Variants in SIAH3 observed in about 807,000 individuals in gnomAD.
SIAH3 encodes siah E3 ubiquitin protein ligase family member 3.
SIAH3 carries 9 observed loss-of-function variants against 12.6 expected under a neutral mutation model. The observed-to-expected ratio is 0.72, with a 90% CI of 0.43 to 1.25. The LOEUF is 1.25. Ranked by LOEUF, SIAH3 falls within the 50% of genes most tolerant of loss-of-function variation. SIAH3 has a pLI of 0.00. For synonymous variants in SIAH3, 154 were observed against 151.1 expected (o/e 1.02, Z -0.14); for missense variants, 390 against 365.4 (o/e 1.07, Z -0.55).
intron 1 of SIAH3, among the ~76,000 whole-genome samples, chr13:45,837,630 A>C (rs1227037927): frequency 1.3e-5 from 2 of 152,098 alleles, no homozygotes; most frequent in African/African-American, 2.4e-5. Context: ...GAAGGGAAGA[A>C]GGAATGCATG....
At chr13:45,802,694 C>T (rs1950586284) in intron 1 of SIAH3, among the ~76,000 whole-genome samples, 1 of 151,998 alleles carries the variant, frequency 6.6e-6, no homozygotes. Flanking sequence ...CCCCAGCTAG[C>T]TCCAGATCTA....
In SIAH3 at chr13:45,781,209, A is replaced by T. The variant is rs1409710729; in HGVS notation, c.*2174T>A. The T allele has an allele frequency of 6.6e-6, 1 of 152,658 alleles. No homozygotes were observed. The highest frequency in any genetic ancestry group is 1.9e-4 in the East Asian group (1 of 5,198). 9.5% of individuals were successfully genotyped at this position (152,658 alleles called of 1,614,324 possible). A position where few individuals can be genotyped will look rare whatever the true frequency, so the allele number is the denominator to read the frequency against. The stretch of plus-strand genomic sequence containing the variant: ...CAAAGGTGATGTCTGCAGGAGCCCT[A>T]AGGCCCTGTGAATGTTAGTTATATT... On this transcript the variant is annotated 3_prime_UTR_variant, in exon 2 of 2. Coordinates refer to ENST00000400405, the MANE Select transcript of SIAH3 (RefSeq NM_198849.3).
intron 1 of SIAH3, among the ~76,000 whole-genome samples, chr13:45,790,084 C>A (rs1455169400): frequency 6.6e-6 from 1 of 152,182 alleles, no homozygotes; most frequent in Admixed American, 6.5e-5. Context: ...TAAGTCAGGA[C>A]TTCTGGTGCT....
intron 1 of SIAH3, among the ~76,000 whole-genome samples, chr13:45,812,260 G>A (rs2137564785): frequency 6.6e-6 from 1 of 152,222 alleles, no homozygotes; most frequent in African/African-American, 2.4e-5. Flanking sequence ...ATACCATCTT[G>A]TTTCATCCTC....
intron 1 of SIAH3, among the ~76,000 whole-genome samples, chr13:45,834,790 C>T (rs539375863): frequency 6.6e-6 from 1 of 152,282 alleles, no homozygotes; most frequent in Admixed American, 6.5e-5. Flanking sequence ...AGTTCACAAT[C>T]CTGACTCTAC....
At chr13:45,786,902 C>T (rs1051794750) in intron 1 of SIAH3, among the ~76,000 whole-genome samples, 1 of 152,194 alleles carries the variant, frequency 6.6e-6, no homozygotes, top group Non-Finnish European at 1.5e-5. Flanking sequence ...GACCTCTGGG[C>T]TTTCCCCTAT....
intron 1 of SIAH3, among the ~76,000 whole-genome samples, chr13:45,825,432 A>T (rs1950670508): frequency 6.6e-6 from 1 of 152,070 alleles, no homozygotes; most frequent in Admixed American, 6.5e-5. Context: ...ACCTCACACC[A>T]CACTCTTCCC....
intron 1 of SIAH3, among the ~76,000 whole-genome samples, chr13:45,836,074 G>A (rs1220986058): frequency 6.6e-6 from 1 of 152,170 alleles, no homozygotes; most frequent in Non-Finnish European, 1.5e-5. Context: ...ATCTGATAGG[G>A]ACACGGATAT....
intron 1 of SIAH3, 109 bp downstream of exon 1, chr13:45,851,386 G>C: frequency 6.9e-7 from 1 of 1,455,964 alleles, no homozygotes; most frequent in Non-Finnish European, 9.4e-7. Flanking sequence ...CCCAGCCCCC[G>C]AGACCCGGGT....
chr13:45,787,836 C>T (rs896430570), intron 1 of SIAH3, among the ~76,000 whole-genome samples: 8 of 152,220 alleles, frequency 5.3e-5, no homozygotes, highest in South Asian at 2.1e-4. Flanking sequence ...ATGCCCCCTA[C>T]GCCCAGCAGC....
chr13:45,794,612 G>T, intron 1 of SIAH3, among the ~76,000 whole-genome samples: 1 of 152,120 alleles, frequency 6.6e-6, no homozygotes, highest in Admixed American at 6.5e-5. Flanking sequence ...AGAGCTGATG[G>T]TTTTATAAAG....
At chr13:45,849,944 A>C (rs191974513) in intron 1 of SIAH3, among the ~76,000 whole-genome samples, 30 of 152,382 alleles carry the variant, frequency 2.0e-4, no homozygotes, top group African/African-American at 7.0e-4. Context: ...AAAAGTGGCC[A>C]TAAAATGGAA....
intron 1 of SIAH3, among the ~76,000 whole-genome samples, chr13:45,798,592 T>G (rs1204737401): frequency 1.3e-5 from 2 of 152,204 alleles, no homozygotes; most frequent in African/African-American, 4.8e-5. Flanking sequence ...TGCAGCCAAC[T>G]GGTATTTAGT....
chr13:45,784,571 C>T (rs1435437852), intron 1 of SIAH3, among the ~76,000 whole-genome samples: 5 of 151,922 alleles, frequency 3.3e-5, no homozygotes, highest in Admixed American at 2.0e-4. Context: ...CTGTCTTGGG[C>T]GCCCTTCTCC....
rs1290328139 is a variant in SIAH3 at position 45,840,256 on chromosome 13, C to G, written c.135+11239G>C. Among the ~76,000 whole-genome samples, 3 of 150,106 alleles carry G rather than the reference C, an allele frequency of 2.0e-5. No individual in the cohort carries two copies. In the South Asian group the frequency reaches 6.3e-4, roughly 32 times the overall value. ...CTGGGTGACAGAGGGAAACTCTGGC[C>G]AAAAAAAAACCCACGAGAAACCACA... is the stretch of plus-strand genomic sequence containing the variant. On this transcript the variant is annotated intron_variant, in intron 1 of 1. Coordinates refer to ENST00000400405, the MANE Select transcript of SIAH3 (RefSeq NM_198849.3).
Position 45,783,305 on chromosome 13 carries a change from G to T in SIAH3, c.*78C>A. On this transcript the variant is annotated 3_prime_UTR_variant, in exon 2 of 2. Transcript: ENST00000400405. ...AAAAAGAAAGGAGAAGAATAAAAAG[G>T]AGTCTGGAGTCCTGGTATTGGGAGG... is the stretch of plus-strand genomic sequence containing the variant. 2 of 998,804 alleles carry T rather than the reference G, an allele frequency of 2.0e-6. No homozygotes were observed. Among genetic ancestry groups the T allele is most frequent in the Non-Finnish European group, 2.8e-6 (2 of 702,902 alleles). 61.9% of individuals were successfully genotyped at this position (998,804 alleles called of 1,614,324 possible). A position where few individuals can be genotyped will look rare whatever the true frequency, so the allele number is the denominator to read the frequency against.
chr13:45,782,103 A>C lies in SIAH3; in HGVS notation c.*1280T>G, dbSNP rs1950506679. On this transcript the variant is annotated 3_prime_UTR_variant, in exon 2 of 2. Transcript: ENST00000400405. Reference sequence around the variant, plus strand: ...ACAGAAAAGACAAAGTTGACTAAACATGCTGACTTTCTTCAAATACACGAG... The same window carrying C: ...ACAGAAAAGACAAAGTTGACTAAACCTGCTGACTTTCTTCAAATACACGAG... 6.6e-6 allele frequency: 1 copy of C among 152,242 alleles called. No homozygotes were observed. Among genetic ancestry groups the C allele is most frequent in the Non-Finnish European group, 1.5e-5 (1 of 68,046 alleles). 9.4% of individuals were successfully genotyped at this position (152,242 alleles called of 1,614,324 possible).
intron 1 of SIAH3, among the ~76,000 whole-genome samples, chr13:45,844,640 A>T (rs528486534): frequency 6.6e-6 from 1 of 152,284 alleles, no homozygotes; most frequent in East Asian, 1.9e-4. Flanking sequence ...CCTCTCATAT[A>T]TCCATATACA....
At chr13:45,814,504 C>G (rs1950627497) in intron 1 of SIAH3, among the ~76,000 whole-genome samples, 1 of 152,042 alleles carries the variant, frequency 6.6e-6, no homozygotes, top group Non-Finnish European at 1.5e-5. Flanking sequence ...AAGAGCTGGG[C>G]AGGCAAAGAT....
Sources: gnomAD v4.1 joint callset for allele counts (sites outside exome capture counted in the v4.1 genomes callset) on GRCh38, gnomAD v4.1.1 for gene constraint, MANE v1.5 for transcripts, NCBI Gene and HGNC (gene_info 2026-07-23, HGNC 2026-07-21) for gene names.